The following TLK2 variants were observed in gnomAD, a reference collection of about 807,000 sequenced individuals.
TLK2 encodes serine/threonine-protein kinase tousled-like 2.
In TLK2, 6 loss-of-function variants were observed where a neutral mutation model predicts 117.3. That is an observed-to-expected ratio of 0.05 (90% CI 0.03 to 0.10). The LOEUF (loss-of-function observed/expected upper bound fraction) is 0.10. TLK2 is among the 10% of genes least tolerant of loss of function. TLK2 has a pLI of 1.00. For missense variants in TLK2, 299 were observed against 901.2 expected, an observed-to-expected ratio of 0.33 and a Z score of 8.56; for synonymous variants, 257 against 316.7, an observed-to-expected ratio of 0.81 and a Z score of 2.00.
At chr17:62,514,579 CTTTT>C (rs779645456) in intron 2 of TLK2, among the ~76,000 whole-genome samples, 1 of 136,142 alleles carries the variant, frequency 7.3e-6, no homozygotes, top group Non-Finnish European at 1.6e-5. Flanking sequence ...TCTTAACCTT[CTTTT>C]TTTTTTTTTT....
chr17:62,606,212 A>G lies in TLK2; in HGVS notation c.1942A>G (p.Ile648Val). 6.2e-7 allele frequency: 1 copy of G among 1,600,698 alleles called. No homozygotes were observed. The highest frequency in any genetic ancestry group is 8.5e-7 in the Non-Finnish European group (1 of 1,171,504). ...AGTTGATGTGTGGTCGGTGGGTGTG[A>G]TCTTCTATCAGTGTCTTTATGGAAG... Reference protein sequence around the residue: ...NKVDVWSVGVIFYQCLYGRKP... With the variant: ...NKVDVWSVGVVFYQCLYGRKP... Residue 648 changes from isoleucine to valine, a missense_variant, in exon 20 of 22, where the codon ATC becomes GTC. Ile to Val is a conservative substitution (Grantham distance 29, BLOSUM62 3). Around this residue, in one of 4 missense-constraint regions of TLK2, gnomAD observed 81 missense variants for 370.9 expected, o/e 0.22. Coordinates refer to ENST00000346027, the MANE Select transcript of TLK2 (RefSeq NM_006852.6).
intron 2 of TLK2, among the ~76,000 whole-genome samples, chr17:62,502,017 G>GA (rs2074240676): frequency 9.2e-6 from 1 of 108,414 alleles, no homozygotes; most frequent in African/African-American, 3.4e-5. Flanking sequence ...AACATTTAAG[G>GA]AAAAAATACC....
intron 7 of TLK2, among the ~76,000 whole-genome samples, chr17:62,549,374 A>G (rs182148902): frequency 7.1e-4 from 88 of 123,804 alleles, no homozygotes; most frequent in African/African-American, 2.2e-3. Context: ...ACTCCAGCCT[A>G]AGTGACAGAG....
At chr17:62,475,043 C>T (rs377362174), upstream of TLK2, among the ~76,000 whole-genome samples, 10 of 152,266 alleles carry the variant, frequency 6.6e-5, no homozygotes, top group East Asian at 7.7e-4. Context: ...CAAACTTTGT[C>T]TCAAACAACA....
intron 16 of TLK2, among the ~76,000 whole-genome samples, chr17:62,594,137 G>A (rs976853169): frequency 6.6e-6 from 1 of 151,946 alleles, no homozygotes; most frequent in South Asian, 2.1e-4. Context: ...GCCAGGTGCC[G>A]TGGCTCATGC....
intron 1 of TLK2, among the ~76,000 whole-genome samples, chr17:62,473,139 C>T (rs965115275): frequency 5.9e-5 from 9 of 152,124 alleles, no homozygotes; most frequent in Non-Finnish European, 2.9e-5. Context: ...GTCCTTTTTC[C>T]TCTTACCCCA....
chr17:62,480,859 AT>A (rs2071560869), intron 1 of TLK2, among the ~76,000 whole-genome samples: 1 of 152,140 alleles, frequency 6.6e-6, no homozygotes. Context: ...TGAGGGGTTT[AT>A]TTTTGCTGTT....
At chr17:62,472,827 A>C (rs1481629656) in intron 1 of TLK2, among the ~76,000 whole-genome samples, 1 of 151,660 alleles carries the variant, frequency 6.6e-6, no homozygotes, top group East Asian at 1.9e-4. Context: ...GGAAAGTACA[A>C]CTCCCCTGGT....
chr17:62,574,558 C>T, intron 12 of TLK2: 2 of 609,464 alleles, frequency 3.3e-6, no homozygotes, highest in Non-Finnish European at 5.8e-6. Context: ...CACTCCGTCG[C>T]CCAGGCCAGA....
chr17:62,539,473 C>CT (rs1047610954), intron 7 of TLK2, among the ~76,000 whole-genome samples: 5,811 of 129,012 alleles, frequency 0.045, 238 homozygotes, highest in Middle Eastern at 0.062. Flanking sequence ...ACCTCCCTCT[C>CT]TTTTTTTTTT....
intron 16 of TLK2, among the ~76,000 whole-genome samples, chr17:62,589,440 A>G (rs1238458361): frequency 6.6e-6 from 1 of 152,230 alleles, no homozygotes; most frequent in East Asian, 1.9e-4. Flanking sequence ...CCAGTTTCTC[A>G]TTAAATTCTC....
chr17:62,567,878 A>G (rs999617170), intron 11 of TLK2, among the ~76,000 whole-genome samples: 16 of 152,286 alleles, frequency 1.1e-4, no homozygotes, highest in African/African-American at 3.6e-4. Context: ...CCTAAAACAG[A>G]AGATTCATTG....
chr17:62,516,706 A>G (rs2145414650), intron 2 of TLK2: 1 of 1,604,218 alleles, frequency 6.2e-7, no homozygotes, highest in Non-Finnish European at 8.5e-7. Flanking sequence ...CTTGGCCACC[A>G]TGACTCCCTC....
chr17:62,558,141 A>G (rs1257224413), intron 9 of TLK2, among the ~76,000 whole-genome samples: 2 of 151,468 alleles, frequency 1.3e-5, no homozygotes, highest in Admixed American at 6.6e-5. Context: ...ATTGGGAGCT[A>G]CTAGCCAGCT....
chr17:62,549,416 A>AGT (rs2078223216), intron 7 of TLK2, among the ~76,000 whole-genome samples: 3 of 31,996 alleles, frequency 9.4e-5, no homozygotes, highest in South Asian at 1.7e-3. Context: ...AAAAAAAAAA[A>AGT]AAAAAAAAAA....
chr17:62,519,732 AATT>A (rs1256099793), intron 2 of TLK2, among the ~76,000 whole-genome samples: 1 of 152,180 alleles, frequency 6.6e-6, no homozygotes, highest in East Asian at 1.9e-4. Flanking sequence ...CAGATTGTTC[AATT>A]GCAAGTATAA....
chr17:62,491,227 A>G (rs2073081675), intron 2 of TLK2, among the ~76,000 whole-genome samples: 2 of 152,282 alleles, frequency 1.3e-5, no homozygotes, highest in Admixed American at 6.5e-5. Context: ...CTTCCTGCCT[A>G]TAAGTGGTTG....
At chr17:62,472,465 A>G (rs1265145651) in intron 1 of TLK2, among the ~76,000 whole-genome samples, 2 of 151,674 alleles carry the variant, frequency 1.3e-5, no homozygotes, top group Non-Finnish European at 2.9e-5. Context: ...CTGGCCGGGC[A>G]CGGTGGCTCA....
At chr17:62,570,964 G>T (rs118153325) in intron 11 of TLK2, among the ~76,000 whole-genome samples, 1 of 152,156 alleles carries the variant, frequency 6.6e-6, no homozygotes, top group East Asian at 1.9e-4. Flanking sequence ...ACTGTATATT[G>T]TATGTTTATC....
Sources: gnomAD v4.1 joint callset for allele counts (sites outside exome capture counted in the v4.1 genomes callset) on GRCh38, gnomAD v4.1.1 for gene constraint, gnomAD v4.1.1 regional missense constraint, MANE v1.5 for transcripts, NCBI Gene and HGNC (gene_info 2026-07-23, HGNC 2026-07-21) for gene names.